The following SGCZ variants were observed in gnomAD, a reference collection of about 807,000 sequenced individuals.
The protein encoded by SGCZ is zeta-sarcoglycan.
Under a neutral mutation model 41.3 loss-of-function variants are expected in SGCZ, and 40 were observed. That is an observed-to-expected ratio of 0.97 (90% CI 0.75 to 1.26). SGCZ has a LOEUF of 1.26. Among genes scored for constraint, SGCZ ranks in the 50% most tolerant of loss-of-function variants. SGCZ has a pLI of 0.00. For missense variants in SGCZ, 552 were observed against 369.8 expected, an observed-to-expected ratio of 1.49 and a Z score of -4.04; for synonymous variants, 206 against 137.5, an observed-to-expected ratio of 1.50 and a Z score of -3.49.
intron 1 of SGCZ, among the ~76,000 whole-genome samples, chr8:14,750,231 G>C (rs1388811396): frequency 6.6e-6 from 1 of 151,916 alleles, no homozygotes; most frequent in Non-Finnish European, 1.5e-5. Context: ...TTACTTTCCT[G>C]TTACCTGTCC....
intron 5 of SGCZ, among the ~76,000 whole-genome samples, chr8:14,157,341 T>TGTGTGTGTGTGTGTGTGTGTGA (rs1563158564): frequency 1.6e-5 from 1 of 63,450 alleles, no homozygotes; most frequent in African/African-American, 4.7e-5. Context: ...TGCCTCTGTG[T>TGTGTGTGTGTGTGTGTGTGTGA]GTGTGTGTGT....
intron 4 of SGCZ, among the ~76,000 whole-genome samples, chr8:14,175,532 T>G (rs551453700): frequency 3.3e-5 from 5 of 152,114 alleles, no homozygotes; most frequent in Non-Finnish European, 7.4e-5. Context: ...CCAACCATCT[T>G]AAGATACAAA....
intron 1 of SGCZ, among the ~76,000 whole-genome samples, chr8:14,734,369 A>C (rs944746259): frequency 3.3e-5 from 5 of 152,182 alleles, no homozygotes; most frequent in African/African-American, 1.2e-4. Context: ...AAGAAATCAG[A>C]ATATTTGAAA....
chr8:14,154,610 T>C (rs1325243166), intron 5 of SGCZ, among the ~76,000 whole-genome samples: 1 of 152,196 alleles, frequency 6.6e-6, no homozygotes, highest in Non-Finnish European at 1.5e-5. Context: ...TTAAAAATTG[T>C]TGTATATTCT....
intron 1 of SGCZ, among the ~76,000 whole-genome samples, chr8:14,786,068 T>A: frequency 7.5e-6 from 1 of 134,116 alleles, no homozygotes; most frequent in Non-Finnish European, 1.5e-5. Context: ...TTTCTGAAAT[T>A]ATCAAGTAAG....
intron 1 of SGCZ, among the ~76,000 whole-genome samples, chr8:14,800,203 T>A (rs572330761): frequency 7.9e-5 from 12 of 152,152 alleles, no homozygotes; most frequent in Non-Finnish European, 1.5e-4. Flanking sequence ...CATTTGGAAA[T>A]ATGTGATCCT....
chr8:14,927,050 T>C (rs1799776932), intron 1 of SGCZ, among the ~76,000 whole-genome samples: 1 of 151,646 alleles, frequency 6.6e-6, no homozygotes, highest in East Asian at 1.9e-4. Flanking sequence ...TACATTTTTA[T>C]AGAAAATTTA....
At chr8:14,668,579 T>G (rs1807990277) in intron 1 of SGCZ, among the ~76,000 whole-genome samples, 1 of 152,198 alleles carries the variant, frequency 6.6e-6, no homozygotes, top group African/African-American at 2.4e-5. Flanking sequence ...ATATAAGTTT[T>G]AACTACTCTT....
At chr8:14,475,858 C>T (rs574952957) in intron 2 of SGCZ, among the ~76,000 whole-genome samples, 8 of 152,166 alleles carry the variant, frequency 5.3e-5, no homozygotes, top group Non-Finnish European at 1.0e-4. Flanking sequence ...TTACTTAAGA[C>T]AGGGTCTGTC....
intron 1 of SGCZ, among the ~76,000 whole-genome samples, chr8:14,890,808 G>T (rs765219569): frequency 6.6e-6 from 1 of 152,176 alleles, no homozygotes; most frequent in Non-Finnish European, 1.5e-5. Context: ...TATCTTGTTA[G>T]GTATTCATGC....
At chr8:15,097,883 CGTGTGTATATATATATATATATATAT>C (rs1806435245) in intron 1 of SGCZ, among the ~76,000 whole-genome samples, 1 of 16,930 alleles carries the variant, frequency 5.9e-5, no homozygotes, top group African/African-American at 2.0e-4. Flanking sequence ...TATATATATA[CGTGTGTATATATATATATATATATAT>C]ACGTGTGTAT....
At chr8:15,206,274 A>C (rs927237490) in intron 1 of SGCZ, among the ~76,000 whole-genome samples, 5 of 152,150 alleles carry the variant, frequency 3.3e-5, no homozygotes, top group African/African-American at 1.2e-4. Context: ...TGTGAGAATG[A>C]GATCCATATT....
chr8:15,199,863 C>T (rs1203895836), intron 1 of SGCZ, among the ~76,000 whole-genome samples: 1 of 152,134 alleles, frequency 6.6e-6, no homozygotes, highest in African/African-American at 2.4e-5. Flanking sequence ...CAGAATAGGA[C>T]AAGCATTTCT....
rs893754788 is a variant in SGCZ, at chr8:15,236,422, G to C, written c.39+1163C>G. ...GACATTTCAGGGCAAACCTCTATTC[G>C]TCGTTTCTCCAGCGGGTGGGGGGGT... On this transcript the variant is annotated intron_variant, in intron 1 of 7. Coordinates refer to ENST00000382080, the MANE Select transcript of SGCZ (RefSeq NM_139167.4). Among the ~76,000 whole-genome samples the C allele has an allele frequency of 2.0e-5, 3 of 151,382 alleles. No homozygotes were observed. The East Asian group carries it at 5.8e-4, about 29-fold the overall frequency.
chr8:14,634,433 T>G (rs778888211), intron 1 of SGCZ, among the ~76,000 whole-genome samples: 3 of 151,906 alleles, frequency 2.0e-5, no homozygotes, highest in East Asian at 1.9e-4. Flanking sequence ...TTTTGAGTAT[T>G]TGGCCACTTA....
At chr8:14,455,103 A>G (rs1462420958) in intron 2 of SGCZ, among the ~76,000 whole-genome samples, 1 of 152,136 alleles carries the variant, frequency 6.6e-6, no homozygotes, top group Admixed American at 6.5e-5. Flanking sequence ...TAAGAGGGAG[A>G]AAATATATGT....
chr8:14,221,915 C>G (rs577572786), intron 4 of SGCZ, among the ~76,000 whole-genome samples: 1 of 150,940 alleles, frequency 6.6e-6, no homozygotes, highest in East Asian at 2.0e-4. Context: ...GAGCCGAGAT[C>G]ATGCCACTGC....
intron 3 of SGCZ, among the ~76,000 whole-genome samples, chr8:14,273,443 A>G (rs868709699): frequency 3.4e-4 from 52 of 152,266 alleles, no homozygotes; most frequent in African/African-American, 1.1e-3. Context: ...TCAGATGGAC[A>G]AACAATTCAA....
At chr8:14,448,230 G>T (rs1800490669) in intron 2 of SGCZ, among the ~76,000 whole-genome samples, 1 of 152,170 alleles carries the variant, frequency 6.6e-6, no homozygotes, top group Admixed American at 6.6e-5. Context: ...CTGCTACCAA[G>T]TACAGCTTGT....
Sources: gnomAD v4.1 joint callset for allele counts (sites outside exome capture counted in the v4.1 genomes callset) on GRCh38, gnomAD v4.1.1 for gene constraint, MANE v1.5 for transcripts, NCBI Gene and HGNC (gene_info 2026-07-23, HGNC 2026-07-21) for gene names.